The following SLC7A14 variants were observed in gnomAD, a reference collection of about 807,000 sequenced individuals.
SLC7A14 encodes the protein gamma-aminobutyric acid transporter SLC7A14.
A neutral mutation model predicts 60.2 loss-of-function variants in SLC7A14; 37 were observed. The observed-to-expected ratio is 0.61, with a 90% CI of 0.47 to 0.81. The LOEUF (loss-of-function observed/expected upper bound fraction) is 0.81. Ranked by LOEUF, SLC7A14 falls within the 30% of genes least tolerant of loss-of-function variation. The pLI, the probability that SLC7A14 is intolerant of heterozygous loss-of-function variation, is 0.00. For missense variants in SLC7A14, 886 were observed against 982.7 expected (o/e 0.90, Z 1.32); for synonymous variants, 399 against 395.8 (o/e 1.01, Z -0.10).
chr3:170,468,074 C>T (rs1739772432), intron 7 of SLC7A14, among the ~76,000 whole-genome samples: 1 of 151,980 alleles, frequency 6.6e-6, no homozygotes, highest in East Asian at 1.9e-4. Context: ...TGCACAGGGT[C>T]GTAGACTCTG....
chr3:170,565,862 T>A (rs999996466), intron 1 of SLC7A14, among the ~76,000 whole-genome samples: 3 of 151,724 alleles, frequency 2.0e-5, no homozygotes, highest in African/African-American at 7.3e-5. Flanking sequence ...AGAAGAGTAA[T>A]GGAAAAAAAC....
intron 1 of SLC7A14, among the ~76,000 whole-genome samples, chr3:170,565,302 A>G (rs1456758936): frequency 2.0e-5 from 3 of 152,150 alleles, no homozygotes; most frequent in Non-Finnish European, 4.4e-5. Context: ...TAAGAGGACT[A>G]GAAAATAAGT....
chr3:170,460,611 T>G lies in SLC7A14; in HGVS notation c.*6444A>C, dbSNP rs933016460. 6.6e-6 allele frequency: 1 copy of G among 152,132 alleles called. No individual in the cohort carries two copies. Among genetic ancestry groups the G allele is most frequent in the Non-Finnish European group, 1.5e-5 (1 of 68,044 alleles). 9.4% of individuals were successfully genotyped at this position (152,132 alleles called of 1,614,324 possible). A position where few individuals can be genotyped will look rare whatever the true frequency, so the allele number is the denominator to read the frequency against. On this transcript the variant is annotated 3_prime_UTR_variant, in exon 8 of 8. Coordinates refer to ENST00000231706, the MANE Select transcript of SLC7A14 (RefSeq NM_020949.3). ...GAACACAGTCCTTTAAAGTCTGCAC[T>G]GCAGGTGAAATTCACATGACTCACA...
In SLC7A14 at chr3:170,526,619, A is replaced by G. The variant is rs764657270; in HGVS notation, c.304+14T>C. 6.2e-7 allele frequency: 1 copy of G among 1,612,326 alleles called. No homozygotes were observed. The highest frequency in any genetic ancestry group is 1.7e-5 in the Admixed American group (1 of 59,986). On this transcript the variant is annotated intron_variant, in intron 2 of 7. Coordinates refer to ENST00000231706, the MANE Select transcript of SLC7A14 (RefSeq NM_020949.3). ...CACACTTTCCACAGTACTTCCCTGCATGGAGACACTTACCTGATAATATGG... is the reference window on the plus strand; with the variant it reads ...CACACTTTCCACAGTACTTCCCTGCGTGGAGACACTTACCTGATAATATGG...
intron 7 of SLC7A14, among the ~76,000 whole-genome samples, chr3:170,477,361 A>G (rs1305350575): frequency 2.0e-5 from 3 of 152,328 alleles, no homozygotes; most frequent in Non-Finnish European, 4.4e-5. Flanking sequence ...CATTTTTAGT[A>G]TATAACCATT....
intron 1 of SLC7A14, among the ~76,000 whole-genome samples, chr3:170,568,244 A>G (rs1577569134): frequency 6.6e-6 from 1 of 152,174 alleles, no homozygotes; most frequent in South Asian, 2.1e-4. Context: ...CAGTTTTCCC[A>G]GTACCATTTA....
At position 170,483,482 on chromosome 3, in the gene SLC7A14, A is replaced by C. The variant is rs1256753775; in HGVS notation, c.947T>G (p.Ile316Ser). The part of the protein sequence containing the change: ...ILTLMVPYYT[I>S]DTESPLMEMF... Reference sequence around the variant, plus strand: ...CTCCATGAGTGGGGATTCCGTGTCAATGGTATAATATGGCACCATCAGAGT... The same window carrying C: ...CTCCATGAGTGGGGATTCCGTGTCACTGGTATAATATGGCACCATCAGAGT... Residue 316 changes from isoleucine to serine, a missense_variant, in exon 6 of 8, where the codon ATT (isoleucine) becomes AGT (serine). Physicochemically the swap from Ile to Ser is moderately radical, Grantham distance 142 (BLOSUM62 -2). Transcript: ENST00000231706. 10 of 1,614,216 alleles carry C rather than the reference A, an allele frequency of 6.2e-6. No individual in the cohort carries two copies. Among genetic ancestry groups the C allele is most frequent in the Non-Finnish European group, 8.5e-6 (10 of 1,180,052 alleles).
At chr3:170,583,281 G>A (rs879937227) in intron 1 of SLC7A14, among the ~76,000 whole-genome samples, 2 of 152,144 alleles carry the variant, frequency 1.3e-5, no homozygotes, top group Non-Finnish European at 2.9e-5. Flanking sequence ...GAGGAAGGTG[G>A]GTCATATCTC....
chr3:170,496,519 C>T (rs994116228), intron 4 of SLC7A14: 1 of 1,550,852 alleles, frequency 6.4e-7, no homozygotes, highest in African/African-American at 1.4e-5. Context: ...CTGCAGCGGG[C>T]CAAGCAGGAC....
At chr3:170,468,510 G>A (rs1290490102) in intron 7 of SLC7A14, among the ~76,000 whole-genome samples, 1 of 152,112 alleles carries the variant, frequency 6.6e-6, no homozygotes, top group African/African-American at 2.4e-5. Context: ...TGCCCAGGCT[G>A]GTCTCAAATT....
intron 1 of SLC7A14, among the ~76,000 whole-genome samples, chr3:170,555,586 T>C (rs974724639): frequency 6.6e-6 from 1 of 152,154 alleles, no homozygotes; most frequent in Admixed American, 6.6e-5. Flanking sequence ...ACCCAGATGG[T>C]ACAGCCTACT....
intron 1 of SLC7A14, among the ~76,000 whole-genome samples, chr3:170,540,995 T>A (rs1025233066): frequency 1.3e-5 from 2 of 152,342 alleles, no homozygotes; most frequent in East Asian, 1.9e-4. Context: ...GGAGATGTTT[T>A]CACTTATTGA....
In SLC7A14 at chr3:170,467,139, A is replaced by G. The variant is rs748182372; in HGVS notation, c.2232T>C (p.Ser744=). 5.0e-6 allele frequency: 8 copies of G among 1,614,068 alleles called. No homozygotes were observed. Among genetic ancestry groups the G allele is most frequent in the Admixed American group, 1.7e-5 (1 of 60,006 alleles). Residue 744 remains serine, a synonymous_variant, in exon 8 of 8, where the codon AGT becomes AGC. Transcript: ENST00000231706. ...GTTTGCTTTTGCTCTTCGCTTTGCT[A>G]CTTGTCCGGCCGTTTGCCTTCGCAT... The part of the protein sequence containing the change: ...MSDAKANGRT[S]SKAKSKSKHK...
At chr3:170,526,559 G>A (rs1035582006) in intron 2 of SLC7A14, 74 bp downstream of exon 2, 111 of 1,536,502 alleles carry the variant, frequency 7.2e-5, no homozygotes, top group Non-Finnish European at 9.1e-5. Context: ...TAAATACTCC[G>A]GAGAAAGGGG....
chr3:170,530,224 C>T (rs2108295343), intron 1 of SLC7A14, among the ~76,000 whole-genome samples: 1 of 152,282 alleles, frequency 6.6e-6, no homozygotes, highest in Middle Eastern at 3.4e-3. Context: ...ATGGCATTGG[C>T]TCCTGAGTGG....
Position 170,501,363 on chromosome 3 carries a change from A to G in SLC7A14, c.305-18T>C. On this transcript the variant is annotated intron_variant, in intron 2 of 7. Coordinates refer to ENST00000231706, the MANE Select transcript of SLC7A14 (RefSeq NM_020949.3). ...GCAGACGCCTGCAAGGGACAGACATACACAGATGGTGGACTTCAGGAGATG... is the reference window on the plus strand; with the variant it reads ...GCAGACGCCTGCAAGGGACAGACATGCACAGATGGTGGACTTCAGGAGATG... 6.2e-7 allele frequency: 1 copy of G among 1,606,042 alleles called. No homozygotes were observed.
rs760555646 is a variant in SLC7A14 at position 170,483,333 on chromosome 3, C to T, written c.1096G>A (p.Gly366Ser). Residue 366 changes from glycine (G) to serine (S), a missense_variant, in exon 6 of 8, where the codon GGT becomes AGT. By Grantham distance (56) the Gly-to-Ser change is moderately conservative. Coordinates refer to ENST00000231706, the MANE Select transcript of SLC7A14 (RefSeq NM_020949.3). ...PMPRVIYAMAGDGLLFRFLAH... is the reference protein window; with the variant it reads ...PMPRVIYAMASDGLLFRFLAH... ...CCTTACCTGAAAAGGAGCCCGTCAC[C>T]AGCCATGGCATAAATGACCCTCGGC... The T allele has an allele frequency of 1.2e-6, 2 of 1,614,094 alleles. No individual in the cohort carries two copies. The highest frequency in any genetic ancestry group is 1.7e-6 in the Non-Finnish European group (2 of 1,179,996).
In SLC7A14 at chr3:170,532,574, A is replaced by G. The variant is rs1284858521; in HGVS notation, c.-152-5486T>C. Among the ~76,000 whole-genome samples the G allele has an allele frequency of 2.0e-5, 3 of 152,140 alleles. No individual in the cohort carries two copies. The highest frequency in any genetic ancestry group is 4.4e-5 in the Non-Finnish European group (3 of 68,044). On this transcript the variant is annotated intron_variant, in intron 1 of 7. Transcript: ENST00000231706. This position sits in a 1 kb window ranked among gnomAD's most constrained non-coding sequence, Gnocchi z 4.0. Reference sequence around the variant, plus strand: ...ACAGGGTTGTGGTGAGGAGTGGAAGAGCTAATACGTGTAGAGCTTTTAGTA... The same window carrying G: ...ACAGGGTTGTGGTGAGGAGTGGAAGGGCTAATACGTGTAGAGCTTTTAGTA...
At chr3:170,521,300 T>G (rs1482819952) in intron 2 of SLC7A14, among the ~76,000 whole-genome samples, 1 of 152,260 alleles carries the variant, frequency 6.6e-6, no homozygotes, top group Non-Finnish European at 1.5e-5. Flanking sequence ...TAAGCTGGTT[T>G]GCATAGCATG....
Sources: allele counts gnomAD v4.1 joint callset (sites outside exome capture counted in the v4.1 genomes callset), GRCh38; gene constraint gnomAD v4.1.1; non-coding constraint Gnocchi (gnomAD v3.1); transcripts MANE v1.5; gene names NCBI Gene and HGNC (gene_info 2026-07-23, HGNC 2026-07-21).